The following EIF2B3 variants were observed in gnomAD, a reference collection of about 807,000 sequenced individuals.
EIF2B3 encodes the protein translation initiation factor eIF2B subunit gamma.
A neutral mutation model predicts 54.1 loss-of-function variants in EIF2B3; 20 were observed. The observed-to-expected ratio is 0.37, with a 90% confidence interval of 0.26 to 0.54. The LOEUF (loss-of-function observed/expected upper bound fraction) is 0.54, where lower values mean the gene tolerates loss of function less well. Ranked by LOEUF, EIF2B3 falls within the 20% of genes least tolerant of loss-of-function variation. The pLI is 0.86. For missense variants in EIF2B3, 448 were observed against 547.8 expected (o/e 0.82, Z 1.82); for synonymous variants, 153 against 188.1 (o/e 0.81, Z 1.52).
At position 44,962,195 on chromosome 1, in the gene EIF2B3, TCATCATCAA is replaced by T. The variant is rs1324921354; in HGVS notation, c.294+16111_294+16119del. 2.2e-4 allele frequency among the ~76,000 whole-genome samples: 27 copies of T among 120,858 alleles called. 1 individual carries two copies. The Admixed American group carries it at 2.3e-3, about 10-fold the overall frequency. The allele number at this position is 120,858 out of a possible 152,430, so 79.3% of individuals were successfully genotyped here. ...TGACAAGAGCGAAACTCCGTCTCAA[TCATCATCAA>T]CATCATCATCATCATCATCATCATC... On this transcript the variant is annotated intron_variant, in intron 3 of 11. Transcript: ENST00000360403.
intron 3 of EIF2B3, among the ~76,000 whole-genome samples, chr1:44,956,058 T>C (rs1381674999): frequency 6.6e-6 from 1 of 152,180 alleles, no homozygotes; most frequent in Non-Finnish European, 1.5e-5. Context: ...TAAAGACACA[T>C]GCACACGTAT....
intron 3 of EIF2B3, among the ~76,000 whole-genome samples, chr1:44,965,404 A>G (rs1027016982): frequency 3.9e-5 from 6 of 152,166 alleles, no homozygotes; most frequent in African/African-American, 1.4e-4. Context: ...AGAAATTTTG[A>G]AAATAGCAGA....
intron 5 of EIF2B3, among the ~76,000 whole-genome samples, chr1:44,918,186 C>A (rs1015272040): frequency 6.7e-6 from 1 of 150,020 alleles, no homozygotes; most frequent in Non-Finnish European, 1.5e-5. Flanking sequence ...CAAGTTCAAG[C>A]GATTCTCCTG....
At chr1:44,959,473 T>G (rs1305924907) in intron 3 of EIF2B3, 6 of 361,600 alleles carry the variant, frequency 1.7e-5, no homozygotes, top group Admixed American at 3.2e-5. Context: ...AGCCCAGGAG[T>G]ATGACACTGT....
chr1:44,881,535 G>A lies in EIF2B3; in HGVS notation c.784+77C>T. The stretch of plus-strand genomic sequence containing the variant: ...TGCCTTGAGTCAGGCATCTTGGGCT[G>A]GGCTAAGCTGCCCAACCACTCTTTC... On this transcript the variant is annotated intron_variant, in intron 7 of 11. Coordinates refer to ENST00000360403, the MANE Select transcript of EIF2B3 (RefSeq NM_020365.5). The surrounding 1 kb of genome is among the most constrained non-coding windows in gnomAD (Gnocchi z 4.0). 2 of 1,581,816 alleles carry A rather than the reference G, an allele frequency of 1.3e-6. No individual in the cohort carries two copies. The highest frequency in any genetic ancestry group is 2.2e-5 in the South Asian group (2 of 89,968).
chr1:44,983,892 G>C (rs1371786459), intron 1 of EIF2B3, among the ~76,000 whole-genome samples: 1 of 151,760 alleles, frequency 6.6e-6, no homozygotes, highest in Non-Finnish European at 1.5e-5. Flanking sequence ...ATTTTTAGTA[G>C]AGACAGGGTT....
chr1:44,951,954 AT>A (rs1171020644), intron 3 of EIF2B3, among the ~76,000 whole-genome samples: 544 of 44,610 alleles, frequency 0.012, 13 homozygotes, highest in African/African-American at 0.064. Context: ...TGCCTGGCTA[AT>A]TTTTTTTTTT....
At chr1:44,930,760 C>T (rs1643890291) in intron 4 of EIF2B3, among the ~76,000 whole-genome samples, 1 of 152,220 alleles carries the variant, frequency 6.6e-6, no homozygotes, top group Non-Finnish European at 1.5e-5. Flanking sequence ...CCTGCCTCAA[C>T]CTCCCAAGTA....
rs1412640452 is a variant in EIF2B3, at chr1:44,978,384, A to G, written c.225T>C (p.Ile75=). ...TGTCAGCGTCATCAGGAATACACAC[A>G]ATATCTGGCTTCATTTTCATCTTGA... is the stretch of plus-strand genomic sequence containing the variant. ...AEFKMKMKPD[I]VCIPDDADMG... The change falls in exon 3 of 12, where the codon ATT becomes ATC. Residue 75 remains isoleucine (I), a synonymous_variant. Transcript: ENST00000360403. 3 of 1,614,060 alleles carry G rather than the reference A, an allele frequency of 1.9e-6. No individual in the cohort carries two copies. The East Asian group carries it at 6.7e-5, about 36-fold the overall frequency.
Position 44,942,419 on chromosome 1 carries a change from T to TACATATATATATA in EIF2B3, c.295-755_295-754insTATATATATATGT, listed in dbSNP as rs1557697171. ...TATATATATATATATATATATATATTTTTTTTTTTTTTTTTTTTTTTTTTT... is the reference window on the plus strand; with the variant it reads ...TATATATATATATATATATATATATTACATATATATATATTTTTTTTTTTTTTTTTTTTTTTTT... On this transcript the variant is annotated intron_variant, in intron 3 of 11. Coordinates refer to ENST00000360403, the MANE Select transcript of EIF2B3 (RefSeq NM_020365.5). Among the ~76,000 whole-genome samples, 117 of 27,704 alleles carry TACATATATATATA rather than the reference T, an allele frequency of 4.2e-3. 13 individuals carry two copies. Among genetic ancestry groups the TACATATATATATA allele is most frequent in the African/African-American group, 0.022 (111 of 4,942 alleles). 18.2% of individuals were successfully genotyped at this position (27,704 alleles called of 152,430 possible). A position where few individuals can be genotyped will look rare whatever the true frequency, so the allele number is the denominator to read the frequency against.
At chr1:44,857,613 G>A in intron 11 of EIF2B3, 91 bp downstream of exon 11, 1 of 1,185,892 alleles carries the variant, frequency 8.4e-7, no homozygotes, top group Non-Finnish European at 1.3e-6. Context: ...GTGTACGTAT[G>A]TGCTTGTTTC....
intron 10 of EIF2B3, among the ~76,000 whole-genome samples, chr1:44,871,542 A>G (rs930101806): frequency 1.6e-4 from 25 of 152,170 alleles, no homozygotes; most frequent in Non-Finnish European, 2.6e-4. Flanking sequence ...TCTCTGATTT[A>G]TATTCTGGTC....
intron 3 of EIF2B3, among the ~76,000 whole-genome samples, chr1:44,966,778 C>T (rs1644345728): frequency 3.9e-5 from 6 of 152,048 alleles, no homozygotes. Flanking sequence ...ATAATGAAAG[C>T]ACATATAAGA....
chr1:44,906,186 T>C (rs1277739962), intron 5 of EIF2B3, among the ~76,000 whole-genome samples: 1 of 152,248 alleles, frequency 6.6e-6, no homozygotes, highest in African/African-American at 2.4e-5. Flanking sequence ...CAGCAGGTCA[T>C]GCCCATCATG....
chr1:44,947,672 G>A (rs923710665), intron 3 of EIF2B3, among the ~76,000 whole-genome samples: 7 of 152,104 alleles, frequency 4.6e-5, no homozygotes, highest in Non-Finnish European at 8.8e-5. Flanking sequence ...GTCAGGGCAA[G>A]GTAACTACCA....
chr1:44,924,646 A>C (rs1353713618), intron 5 of EIF2B3, among the ~76,000 whole-genome samples: 1 of 152,168 alleles, frequency 6.6e-6, no homozygotes, highest in Admixed American at 6.5e-5. Context: ...TCTGCCTCCC[A>C]AAGTGCTGGA....
intron 6 of EIF2B3, among the ~76,000 whole-genome samples, chr1:44,885,065 T>C (rs1034762286): frequency 6.6e-6 from 1 of 152,238 alleles, no homozygotes; most frequent in Admixed American, 6.5e-5. Flanking sequence ...CAGTGAACCA[T>C]TGTGAACATC....
intron 6 of EIF2B3, among the ~76,000 whole-genome samples, chr1:44,882,084 C>T (rs1655419155): frequency 6.6e-6 from 1 of 152,242 alleles, no homozygotes; most frequent in South Asian, 2.1e-4. Context: ...TTCTCTCACA[C>T]TGTGACCTTA....
intron 10 of EIF2B3, among the ~76,000 whole-genome samples, chr1:44,867,296 G>A (rs1654812465): frequency 6.6e-6 from 1 of 152,138 alleles, no homozygotes; most frequent in Non-Finnish European, 1.5e-5. Flanking sequence ...CTTTGACAAT[G>A]AAGTGTTTAC....
Sources: gnomAD v4.1 joint callset for allele counts (sites outside exome capture counted in the v4.1 genomes callset) on GRCh38, gnomAD v4.1.1 for gene constraint, Gnocchi (gnomAD v3.1) non-coding constraint, MANE v1.5 for transcripts, NCBI Gene and HGNC (gene_info 2026-07-23, HGNC 2026-07-21) for gene names.